Variants in CLSTN1 observed in about 807,000 individuals in gnomAD.
CLSTN1 encodes the protein calsyntenin 1, also known as calsyntenin-1.
In CLSTN1, 28 loss-of-function variants were observed where a neutral mutation model predicts 108.3. The ratio of observed to expected loss-of-function variants is 0.26; its 90% CI spans 0.19 to 0.35. The LOEUF (loss-of-function observed/expected upper bound fraction) is 0.35. CLSTN1 is among the 10% of genes least tolerant of loss of function. The pLI, the probability that CLSTN1 is intolerant of heterozygous loss-of-function variation, is 1.00. For synonymous variants in CLSTN1, 524 were observed against 534.9 expected (o/e 0.98, Z 0.28); for missense variants, 1,157 against 1,302.6 (o/e 0.89, Z 1.72).
At chr1:9,742,022 G>A (rs539661411) in intron 9 of CLSTN1, among the ~76,000 whole-genome samples, 10 of 152,286 alleles carry the variant, frequency 6.6e-5, no homozygotes, top group Admixed American at 6.5e-4. Context: ...ATGAACATCA[G>A]CTCCAAGGGC....
chr1:9,733,872 TAACTC>T (rs1467077520), intron 15 of CLSTN1, 95 bp downstream of exon 15: 3 of 1,272,552 alleles, frequency 2.4e-6, no homozygotes, highest in Admixed American at 2.1e-5. Flanking sequence ...CCCTCTAAGA[TAACTC>T]AACATTCTCA....
chr1:9,755,798 C>CAAA (rs34292718), intron 3 of CLSTN1, among the ~76,000 whole-genome samples: 2 of 149,546 alleles, frequency 1.3e-5, no homozygotes, highest in African/African-American at 2.5e-5. Flanking sequence ...GAAATTCTGT[C>CAAA]AAAAAAAAAA....
chr1:9,730,028 A>T lies in CLSTN1; in HGVS notation c.*480T>A, dbSNP rs1398572479. 1 of 165,020 alleles carries T rather than the reference A, an allele frequency of 6.1e-6. No homozygotes were observed. Among genetic ancestry groups the T allele is most frequent in the Admixed American group, 5.6e-5 (1 of 17,894 alleles). 10.2% of individuals were successfully genotyped at this position (165,020 alleles called of 1,614,324 possible). A position where few individuals can be genotyped will look rare whatever the true frequency, so the allele number is the denominator to read the frequency against. ...TTTACAAAATATTAAAAAGTCAGTT[A>T]ATCATCTACACAGTACCCCCCATCC... is the stretch of plus-strand genomic sequence containing the variant. On this transcript the variant is annotated 3_prime_UTR_variant, in exon 19 of 19. Coordinates refer to ENST00000377298, the MANE Select transcript of CLSTN1 (RefSeq NM_001009566.3). This position sits in a 1 kb window ranked among gnomAD's most constrained non-coding sequence, Gnocchi z 5.6.
At chr1:9,812,266 G>A (rs1455821955) in intron 1 of CLSTN1, among the ~76,000 whole-genome samples, 1 of 152,152 alleles carries the variant, frequency 6.6e-6, no homozygotes, top group Non-Finnish European at 1.5e-5. Context: ...GAACGGAGTA[G>A]AGCCTATCCT....
rs1439215653 is a variant in CLSTN1 at position 9,749,358 on chromosome 1, A to T, written c.985+103T>A. Reference sequence around the variant, plus strand: ...TTCAGAAATGCAGATTCTCTGTCACAGTTTATAATTATGAACACAACACAC... The same window carrying T: ...TTCAGAAATGCAGATTCTCTGTCACTGTTTATAATTATGAACACAACACAC... On this transcript the variant is annotated intron_variant, in intron 7 of 18. Transcript: ENST00000377298. 8 of 1,118,018 alleles carry T rather than the reference A, an allele frequency of 7.2e-6. No individual in the cohort carries two copies. The Admixed American group carries it at 2.3e-4, about 31-fold the overall frequency. The allele number at this position is 1,118,018 out of a possible 1,614,324, so 69.3% of individuals were successfully genotyped here. A position where few individuals can be genotyped will look rare whatever the true frequency, so the allele number is the denominator to read the frequency against.
chr1:9,778,880 G>C (rs958225818), intron 1 of CLSTN1, among the ~76,000 whole-genome samples: 1 of 151,948 alleles, frequency 6.6e-6, no homozygotes, highest in Non-Finnish European at 1.5e-5. Context: ...AAAATTAGCC[G>C]GGCGTGGTGG....
At chr1:9,778,893 G>A (rs1653095499) in intron 1 of CLSTN1, among the ~76,000 whole-genome samples, 2 of 152,074 alleles carry the variant, frequency 1.3e-5, no homozygotes, top group Admixed American at 1.3e-4. Flanking sequence ...CGTGGTGGCA[G>A]GCAACTGTAA....
At chr1:9,740,781 A>G (rs1650939572) in intron 10 of CLSTN1, among the ~76,000 whole-genome samples, 1 of 152,150 alleles carries the variant, frequency 6.6e-6, no homozygotes, top group South Asian at 2.1e-4. Flanking sequence ...GAACCTTTCA[A>G]TAAACGGATT....
At chr1:9,760,300 T>C (rs1652008556) in intron 2 of CLSTN1, among the ~76,000 whole-genome samples, 1 of 152,120 alleles carries the variant, frequency 6.6e-6, no homozygotes, top group East Asian at 1.9e-4. Context: ...AGGTTGGTAG[T>C]TCAAGGTGGC....
chr1:9,760,676 A>C (rs1652026417), intron 2 of CLSTN1, among the ~76,000 whole-genome samples: 7 of 136,094 alleles, frequency 5.1e-5, no homozygotes, highest in East Asian at 2.2e-4. Context: ...CATGCCACCC[A>C]TTCCCGGGTT....
intron 4 of CLSTN1, among the ~76,000 whole-genome samples, chr1:9,753,651 CTGGTTAATTT>C (rs1359309939): frequency 6.6e-6 from 1 of 152,000 alleles, no homozygotes; most frequent in African/African-American, 2.4e-5. Flanking sequence ...GCCACCATGC[CTGGTTAATTT>C]TGTATTTTTA....
chr1:9,749,409 C>G, intron 7 of CLSTN1, 52 bp downstream of exon 7: 1 of 1,483,618 alleles, frequency 6.7e-7, no homozygotes, highest in Non-Finnish European at 9.2e-7. Flanking sequence ...TGTAAAGGTC[C>G]CTCCCACCTT....
In CLSTN1 at chr1:9,748,789, C is replaced by T. The variant is rs1418110030; in HGVS notation, c.985+672G>A. ...TAGGCATGAGCCCCCATGCCCTGGC[C>T]TTTGTCTTCAATTCGTAAGTAAACA... On this transcript the variant is annotated intron_variant, in intron 7 of 18. Transcript: ENST00000377298. Among the ~76,000 whole-genome samples the T allele has an allele frequency of 2.0e-5, 3 of 151,834 alleles. No individual in the cohort carries two copies. The East Asian group carries it at 5.8e-4, about 30-fold the overall frequency.
intron 1 of CLSTN1, among the ~76,000 whole-genome samples, chr1:9,777,689 T>G (rs1653023162): frequency 6.6e-6 from 1 of 152,172 alleles, no homozygotes; most frequent in Admixed American, 6.6e-5. Context: ...TTGCAAATCT[T>G]TGTTGTCCAC....
intron 1 of CLSTN1, among the ~76,000 whole-genome samples, chr1:9,783,626 C>T (rs568246675): frequency 6.6e-6 from 1 of 151,758 alleles, no homozygotes; most frequent in East Asian, 1.9e-4. Context: ...GAGGCCGAGG[C>T]AGGTGGATCA....
At chr1:9,772,287 A>G (rs1652729780) in intron 2 of CLSTN1, among the ~76,000 whole-genome samples, 1 of 146,880 alleles carries the variant, frequency 6.8e-6, no homozygotes, top group Non-Finnish European at 1.5e-5. Flanking sequence ...CGGCCAGAAC[A>G]CTCTTTAATA....
chr1:9,818,705 A>G (rs905861128), intron 1 of CLSTN1, among the ~76,000 whole-genome samples: 7 of 151,548 alleles, frequency 4.6e-5, no homozygotes, highest in African/African-American at 1.7e-4. Context: ...CTGAAACACT[A>G]CTAAAATCCG....
At position 9,733,486 on chromosome 1, in the gene CLSTN1, T is replaced by C. The variant is rs1188960507; in HGVS notation, c.2342A>G (p.His781Arg). The part of the protein sequence containing the change: ...VLHLLRYRNW[H>R]ARSLLDRKFK... The stretch of plus-strand genomic sequence containing the variant: ...CTTCCGGTCAAGCAAGGACCTGGCA[T>C]GCCAGTTCCGATAGCGCAGCAGGTG... The change falls in exon 16 of 19, where the codon CAT becomes CGT. Residue 781 changes from histidine to arginine, a missense_variant. Coordinates refer to ENST00000377298, the MANE Select transcript of CLSTN1 (RefSeq NM_001009566.3). 1 of 1,614,106 alleles carries C rather than the reference T, an allele frequency of 6.2e-7. No individual in the cohort carries two copies. The highest frequency in any genetic ancestry group is 8.5e-7 in the Non-Finnish European group (1 of 1,180,046).
intron 9 of CLSTN1, among the ~76,000 whole-genome samples, chr1:9,741,769 G>A (rs1043070580): frequency 2.0e-5 from 3 of 152,086 alleles, no homozygotes; most frequent in Non-Finnish European, 2.9e-5. Context: ...AAAATTAGCC[G>A]GGTGTGGTGG....
Sources: allele counts gnomAD v4.1 joint callset (sites outside exome capture counted in the v4.1 genomes callset), GRCh38; gene constraint gnomAD v4.1.1; non-coding constraint Gnocchi (gnomAD v3.1); transcripts MANE v1.5; gene names NCBI Gene and HGNC (gene_info 2026-07-23, HGNC 2026-07-21).